Variants in MCM3 observed in about 807,000 individuals in gnomAD.
MCM3 encodes DNA replication licensing factor MCM3.
A neutral mutation model predicts 91.3 loss-of-function variants in MCM3; 59 were observed. The observed-to-expected ratio is 0.65, with a 90% CI of 0.52 to 0.80. The LOEUF (loss-of-function observed/expected upper bound fraction) is 0.80, where lower values mean the gene tolerates loss of function less well. Among genes scored for constraint, MCM3 ranks in the 30% least tolerant of loss-of-function variants. The pLI, the probability that MCM3 is intolerant of heterozygous loss-of-function variation, is 0.00. For missense variants in MCM3, 919 were observed against 1,035.4 expected, an observed-to-expected ratio of 0.89 and a Z score of 1.54; for synonymous variants, 383 against 379.6, an observed-to-expected ratio of 1.01 and a Z score of -0.10.
In MCM3 at chr6:52,282,083, G is replaced by A. The variant is rs143978388; in HGVS notation, c.493C>T (p.Leu165=). Residue 165 remains leucine, a synonymous_variant, in exon 4 of 17, where the codon CTG becomes TTG. Coordinates refer to ENST00000596288, the MANE Select transcript of MCM3 (RefSeq NM_002388.6). ...IERRYSDLTT[L]VAFPSSSVYP... ...ACAGAGCTGGAGGGAAAGGCCACCAGGGTGGTGAGATCAGAATAACGTCGC... is the reference window on the plus strand; with the variant it reads ...ACAGAGCTGGAGGGAAAGGCCACCAAGGTGGTGAGATCAGAATAACGTCGC... 3.7e-6 allele frequency: 6 copies of A among 1,613,946 alleles called. No individual in the cohort carries two copies. The African/African-American group carries it at 8.0e-5, about 22-fold the overall frequency.
rs554660853 is a variant in MCM3, at chr6:52,278,123, C to G, written c.880-435G>C. Among the ~76,000 whole-genome samples, 50 of 98,172 alleles carry G rather than the reference C, an allele frequency of 5.1e-4. No individual in the cohort carries two copies. The South Asian group carries it at 0.018, about 35-fold the overall frequency. The allele number at this position is 98,172 out of a possible 152,430, so 64.4% of individuals were successfully genotyped here. A position where few individuals can be genotyped will look rare whatever the true frequency, so the allele number is the denominator to read the frequency against. On this transcript the variant is annotated intron_variant, in intron 6 of 16. Coordinates refer to ENST00000596288, the MANE Select transcript of MCM3 (RefSeq NM_002388.6). ...GAAAATACTTGAAGAAACACACAAA[C>G]AGGTACATTGTTCCTAACTGCAAAA...
intron 13 of MCM3, 139 bp from the exon 14 acceptor site, chr6:52,268,107 T>G: frequency 8.5e-7 from 1 of 1,169,912 alleles, no homozygotes; most frequent in Non-Finnish European, 1.2e-6. Context: ...CTCTTGTCCC[T>G]AAGTCCCAGG....
Position 52,278,860 on chromosome 6 carries a change from A to G in MCM3, c.771-10T>C, listed in dbSNP as rs2307324. The G allele has an allele frequency of 4.8e-3, 7,637 of 1,588,542 alleles. 322 individuals carry two copies. In the African/African-American group the frequency reaches 0.09, roughly 19 times the overall value. The stretch of plus-strand genomic sequence containing the variant: ...GGCAATCAGGACAGTCCTGGGACAA[A>G]CAGAATAAAGAGGAAACCCGTTATA... On this transcript the variant is annotated splice_polypyrimidine_tract_variant and intron_variant, in intron 5 of 16. Coordinates refer to ENST00000596288, the MANE Select transcript of MCM3 (RefSeq NM_002388.6).
At position 52,264,537 on chromosome 6, in the gene MCM3, A is replaced by C. The variant is rs748174709; in HGVS notation, c.*51T>G. ...GACTTGGGTCAGGGAGAGGGTGGGA[A>C]ACACAGAACAAACTCTCTCGGCACA... On this transcript the variant is annotated 3_prime_UTR_variant, in exon 17 of 17. Coordinates refer to ENST00000596288, the MANE Select transcript of MCM3 (RefSeq NM_002388.6). 6.3e-7 allele frequency: 1 copy of C among 1,598,562 alleles called. No homozygotes were observed. Among genetic ancestry groups the C allele is most frequent in the Non-Finnish European group, 8.6e-7 (1 of 1,166,470 alleles).
At chr6:52,284,080 C>T (rs1467871632) in intron 1 of MCM3, among the ~76,000 whole-genome samples, 1 of 152,186 alleles carries the variant, frequency 6.6e-6, no homozygotes, top group African/African-American at 2.4e-5. Flanking sequence ...GGCTTTAAGT[C>T]TTGGGTTGCA....
intron 13 of MCM3, 64 bp downstream of exon 13, chr6:52,269,022 G>A: frequency 5.3e-6 from 8 of 1,521,806 alleles, no homozygotes; most frequent in Non-Finnish European, 7.1e-6. Context: ...CGGAAGGCTG[G>A]GAAGCCCATG....
rs753290190 is a variant in MCM3 at position 52,284,557 on chromosome 6, G to A, written c.78+40C>T. The A allele has an allele frequency of 5.1e-5, 80 of 1,556,676 alleles. 1 individual carries two copies. The highest frequency in any genetic ancestry group is 2.3e-5 in the East Asian group (1 of 43,068). ...TCCCGGCCGGGCCGCGTCCGCAGGGGCTCCGAGCGCTAGAGCCCGCGCGCC... is the reference window on the plus strand; with the variant it reads ...TCCCGGCCGGGCCGCGTCCGCAGGGACTCCGAGCGCTAGAGCCCGCGCGCC... On this transcript the variant is annotated intron_variant, in intron 1 of 16. Transcript: ENST00000596288.
At chr6:52,278,691 C>A (rs764977366) in intron 6 of MCM3, 51 bp downstream of exon 6, 234 of 1,303,952 alleles carry the variant, frequency 1.8e-4, no homozygotes, top group Non-Finnish European at 2.5e-4. Context: ...CACCAAAACA[C>A]AACTCTTAGA....
At chr6:52,268,431 G>A (rs997712260) in intron 13 of MCM3, among the ~76,000 whole-genome samples, 1 of 152,120 alleles carries the variant, frequency 6.6e-6, no homozygotes, top group South Asian at 2.1e-4. Context: ...AAGTGAGGAC[G>A]AGTTTATCAG....
rs576985770 is a variant in MCM3, at chr6:52,273,859, G to T, written c.1432C>A (p.Arg478=). 10 of 1,614,068 alleles carry T rather than the reference G, an allele frequency of 6.2e-6. No homozygotes were observed. The South Asian group carries it at 8.8e-5, about 14-fold the overall frequency. Residue 478 remains arginine, a synonymous_variant, in exon 10 of 17, where the codon CGA becomes AGA. Transcript: ENST00000596288. The part of the protein sequence containing the change: ...NIGLQDSLLS[R]FDLLFIMLDQ... ...AGCATGATGAAGAGCAAGTCAAATCGTGACAGCAGTGAGTCCTGTAGCCCA... is the reference window on the plus strand; with the variant it reads ...AGCATGATGAAGAGCAAGTCAAATCTTGACAGCAGTGAGTCCTGTAGCCCA...
chr6:52,266,497 C>T (rs1277646643), intron 15 of MCM3, 114 bp downstream of exon 15: 1 of 957,354 alleles, frequency 1.0e-6, no homozygotes, highest in Non-Finnish European at 1.6e-6. Context: ...ACATAGGCCC[C>T]AAGCAGGGAG....
intron 14 of MCM3, 128 bp downstream of exon 14, chr6:52,267,737 G>T (rs1764758488): frequency 1.5e-6 from 1 of 668,006 alleles, no homozygotes. Flanking sequence ...TATTTCCCAG[G>T]CTGGTCTCAA....
chr6:52,282,910 A>C (rs1766252524), intron 2 of MCM3, 49 bp from the exon 3 acceptor site: 1 of 1,367,184 alleles, frequency 7.3e-7, no homozygotes, highest in African/African-American at 1.4e-5. Flanking sequence ...GAACTCAAAA[A>C]AATGGATCCT....
At chr6:52,273,941 G>T in intron 9 of MCM3, 25 bp from the exon 10 acceptor site, 1 of 1,580,128 alleles carries the variant, frequency 6.3e-7, no homozygotes, top group Non-Finnish European at 8.6e-7. Context: ...GACAACAGAA[G>T]TGGACATGAC....
chr6:52,280,731 G>A (rs972286282), intron 4 of MCM3, among the ~76,000 whole-genome samples: 3 of 152,072 alleles, frequency 2.0e-5, no homozygotes, highest in Admixed American at 2.0e-4. Context: ...GAGATCTTAA[G>A]GTCCGAAGAA....
intron 9 of MCM3, among the ~76,000 whole-genome samples, chr6:52,275,475 AG>A (rs773692223): frequency 6.6e-6 from 1 of 152,286 alleles, no homozygotes; most frequent in Non-Finnish European, 1.5e-5. Flanking sequence ...CATTAATAGA[AG>A]TATTAATATG....
chr6:52,274,707 T>C (rs1199020993), intron 9 of MCM3, among the ~76,000 whole-genome samples: 2 of 145,420 alleles, frequency 1.4e-5, no homozygotes, highest in African/African-American at 5.2e-5. Context: ...AAAAAAAAAA[T>C]CAAGGGAGTT....
In MCM3 at chr6:52,277,415, C is replaced by T. The variant is rs1420249578; in HGVS notation, c.1033+120G>A. On this transcript the variant is annotated intron_variant, in intron 7 of 16. Transcript: ENST00000596288. Reference sequence around the variant, plus strand: ...AAAAAAAAAAAAGATTCATTTTAGCCTTTTGTCCTTTGATAGGACTGAAAT... The same window carrying T: ...AAAAAAAAAAAAGATTCATTTTAGCTTTTTGTCCTTTGATAGGACTGAAAT... 6 of 1,170,198 alleles carry T rather than the reference C, an allele frequency of 5.1e-6. No individual in the cohort carries two copies. The East Asian group carries it at 1.4e-4, about 28-fold the overall frequency. 72.5% of individuals were successfully genotyped at this position (1,170,198 alleles called of 1,614,324 possible). A position where few individuals can be genotyped will look rare whatever the true frequency, so the allele number is the denominator to read the frequency against.
At chr6:52,278,981 G>A in intron 5 of MCM3, 131 bp from the exon 6 acceptor site, 2 of 604,500 alleles carry the variant, frequency 3.3e-6, no homozygotes, top group South Asian at 2.3e-5. Context: ...TGGGGAGGGG[G>A]CAGGTAGCTA....
Sources: allele counts gnomAD v4.1 joint callset (sites outside exome capture counted in the v4.1 genomes callset), GRCh38; gene constraint gnomAD v4.1.1; transcripts MANE v1.5; gene names NCBI Gene and HGNC (gene_info 2026-07-23, HGNC 2026-07-21).